The following ADIG variants were observed in gnomAD, a reference collection of about 807,000 sequenced individuals.
ADIG encodes the protein adipogenin, also known as adipogenesis associated.
ADIG carries 12 observed loss-of-function variants against 10.7 expected under a neutral mutation model. The ratio of observed to expected loss-of-function variants is 1.12; its 90% confidence interval spans 0.72 to 1.82. ADIG has a LOEUF of 1.82. ADIG is among the 40% of genes most tolerant of loss of function. The pLI, the probability that ADIG is intolerant of heterozygous loss-of-function variation, is 0.00. For synonymous variants in ADIG, 32 were observed against 35.6 expected, an observed-to-expected ratio of 0.90 and a Z score of 0.36; for missense variants, 72 against 92.5, an observed-to-expected ratio of 0.78 and a Z score of 0.91.
intron 1 of ADIG, chr20:38,585,392 A>G: frequency 6.5e-7 from 1 of 1,548,204 alleles, no homozygotes; most frequent in East Asian, 2.4e-5. Flanking sequence ...TCAAAACAAA[A>G]AGATCCTACA....
intron 1 of ADIG, among the ~76,000 whole-genome samples, chr20:38,582,453 C>A (rs2088597626): frequency 6.6e-6 from 1 of 152,180 alleles, no homozygotes; most frequent in Non-Finnish European, 1.5e-5. Context: ...AGTGCCATGA[C>A]CTTTGGCAAG....
intron 2 of ADIG, among the ~76,000 whole-genome samples, chr20:38,586,842 T>C (rs1456469126): frequency 7.8e-6 from 1 of 128,014 alleles, no homozygotes; most frequent in Non-Finnish European, 1.6e-5. Flanking sequence ...GATATGATTC[T>C]CACCTCCATT....
At chr20:38,584,739 TACTC>T (rs1163272054) in intron 1 of ADIG, among the ~76,000 whole-genome samples, 5 of 151,808 alleles carry the variant, frequency 3.3e-5, no homozygotes, top group Admixed American at 6.6e-5. Context: ...GTTCAAAAAA[TACTC>T]TCTCTAGTGA....
rs1454487902 is a variant in ADIG at position 38,583,465 on chromosome 20, C to T, written c.124+2091C>T. On this transcript the variant is annotated intron_variant, in intron 1 of 2. Transcript: ENST00000537425. ...TAGTACCTGCCCCTTGGGGTTGTGA[C>T]AGGCTTCAGTGGTCGATGCATATCG... Among the ~76,000 whole-genome samples the T allele has an allele frequency of 2.0e-5, 3 of 152,256 alleles. No individual in the cohort carries two copies. In the East Asian group the frequency reaches 5.8e-4, roughly 29 times the overall value.
At chr20:38,585,622 A>G in intron 1 of ADIG, 9 of 1,246,744 alleles carry the variant, frequency 7.2e-6, no homozygotes, top group Non-Finnish European at 1.0e-5. Flanking sequence ...TGCGTGTTTC[A>G]TCACAAAACA....
At chr20:38,585,946 G>A in intron 1 of ADIG, 83 bp from the exon 2 acceptor site, 1 of 1,370,178 alleles carries the variant, frequency 7.3e-7, no homozygotes. Context: ...GGGATACCCA[G>A]GCCTGGCAGG....
chr20:38,585,499 C>T lies in ADIG; in HGVS notation c.125-530C>T, dbSNP rs1266344202. 1.9e-6 allele frequency: 3 copies of T among 1,550,474 alleles called. No homozygotes were observed. The South Asian group carries it at 3.6e-5, about 18-fold the overall frequency. ...TTTTAACAGCTTCATGACAAGCCAT[C>T]AGACGGAGGGTCCGGGTCTCCATGT... On this transcript the variant is annotated intron_variant, in intron 1 of 2. Transcript: ENST00000537425.
At chr20:38,582,391 CAAAA>C (rs778786922) in intron 1 of ADIG, among the ~76,000 whole-genome samples, 9 of 152,080 alleles carry the variant, frequency 5.9e-5, no homozygotes, top group Non-Finnish European at 8.8e-5. Context: ...GACCCTGTGT[CAAAA>C]AAAGGCCTCT....
At chr20:38,582,760 C>T (rs1337356058) in intron 1 of ADIG, among the ~76,000 whole-genome samples, 1 of 151,996 alleles carries the variant, frequency 6.6e-6, no homozygotes, top group Non-Finnish European at 1.5e-5. Flanking sequence ...TGCATACTGG[C>T]GATAAAAGTT....
chr20:38,585,316 G>A (rs1280673222), intron 1 of ADIG: 11 of 1,109,436 alleles, frequency 9.9e-6, no homozygotes, highest in Non-Finnish European at 1.4e-5. Flanking sequence ...AGATGAGTCT[G>A]TTAGCAAACT....
intron 2 of ADIG, 173 bp downstream of exon 2, chr20:38,586,334 T>A (rs575192777): frequency 3.3e-6 from 2 of 597,744 alleles, no homozygotes; most frequent in East Asian, 5.8e-5. Context: ...GGGGGAGACC[T>A]GGTGTTGCCC....
chr20:38,587,656 G>C (rs768339994), intron 2 of ADIG, among the ~76,000 whole-genome samples: 6 of 151,060 alleles, frequency 4.0e-5, no homozygotes, highest in African/African-American at 1.5e-4. Flanking sequence ...ATTTTCGGAC[G>C]CTGCACAAGA....
In ADIG at chr20:38,581,317, C is replaced by G. The variant is rs767063426; in HGVS notation, c.67C>G (p.Leu23Val). The G allele has an allele frequency of 3.1e-6, 5 of 1,613,880 alleles. No individual in the cohort carries two copies. Among genetic ancestry groups the G allele is most frequent in the Non-Finnish European group, 1.7e-6 (2 of 1,179,910 alleles). Residue 23 changes from leucine (L) to valine (V), a missense_variant, in exon 1 of 3, where the codon CTC (leucine) becomes GTC (valine). Coordinates refer to ENST00000537425, the MANE Select transcript of ADIG (RefSeq NM_001393816.1). Reference protein sequence around the residue: ...TFSFLVFWFCLPVGLLLLLII... With the variant: ...TFSFLVFWFCVPVGLLLLLII... ...TTCTTTCCTGGTTTTCTGGTTCTGC[C>G]TCCCTGTGGGTTTGCTGTTGTTATT...
Sources: gnomAD v4.1 joint callset for allele counts (sites outside exome capture counted in the v4.1 genomes callset) on GRCh38, gnomAD v4.1.1 for gene constraint, MANE v1.5 for transcripts, NCBI Gene and HGNC (gene_info 2026-07-23, HGNC 2026-07-21) for gene names.